The following CACNA1E variants were observed in gnomAD, a reference collection of about 807,000 sequenced individuals.
CACNA1E encodes calcium voltage-gated channel subunit alpha1 E.
A neutral mutation model predicts 259.2 loss-of-function variants in CACNA1E; 40 were observed. The observed-to-expected ratio is 0.15, with a 90% CI of 0.12 to 0.20. The LOEUF is 0.20. Ranked by LOEUF, CACNA1E falls within the 10% of genes least tolerant of loss-of-function variation. The probability of loss-of-function intolerance (pLI) is 1.00; values close to 1 mark genes in which losing one functional copy is unlikely to be tolerated. For synonymous variants in CACNA1E, 1,104 were observed against 1,138.5 expected (o/e 0.97, Z 0.61); for missense variants, 1,874 against 3,040.1 (o/e 0.62, Z 9.02).
chr1:181,596,561 TGTG>T (rs2103044793), intron 6 of CACNA1E, among the ~76,000 whole-genome samples: 1 of 65,376 alleles, frequency 1.5e-5, no homozygotes, highest in Admixed American at 1.9e-4. Flanking sequence ...CATGTACGTG[TGTG>T]TGTGTGTGTG....
chr1:181,536,077 A>C (rs16857577), intron 3 of CACNA1E, among the ~76,000 whole-genome samples: 2,191 of 152,172 alleles, frequency 0.014, 72 homozygotes, highest in East Asian at 0.14. Flanking sequence ...GTAAAATTTC[A>C]CTAATATGTG....
chr1:181,616,172 C>T (rs1173967668), intron 6 of CACNA1E, among the ~76,000 whole-genome samples: 1 of 152,136 alleles, frequency 6.6e-6, no homozygotes, highest in Non-Finnish European at 1.5e-5. Context: ...TCTTGCAATG[C>T]TCTTGTGAAG....
At chr1:181,396,435 C>T (rs1656686293) in intron 1 of CACNA1E, among the ~76,000 whole-genome samples, 1 of 152,148 alleles carries the variant, frequency 6.6e-6, no homozygotes. Flanking sequence ...CATTGATAAC[C>T]TTAACAAAAG....
chr1:181,466,974 C>T (rs1166830889), intron 2 of CACNA1E, among the ~76,000 whole-genome samples: 1 of 152,166 alleles, frequency 6.6e-6, no homozygotes, highest in Non-Finnish European at 1.5e-5. Context: ...GTGCCGGACA[C>T]AGCACAGGGG....
Position 181,626,211 on chromosome 1 carries a change from C to A in CACNA1E, c.952-25127C>A, listed in dbSNP as rs547009945. On this transcript the variant is annotated intron_variant, in intron 6 of 47. Transcript: ENST00000367573. The stretch of plus-strand genomic sequence containing the variant: ...TATTGCAAGAATTATCAAAATGTGA[C>A]ACAGAAACACGAAGCGAGCATGTGC... Among the ~76,000 whole-genome samples the A allele has an allele frequency of 5.3e-5, 8 of 152,212 alleles. No individual in the cohort carries two copies. The South Asian group carries it at 1.7e-3, about 32-fold the overall frequency.
intron 26 of CACNA1E, among the ~76,000 whole-genome samples, chr1:181,751,545 G>C (rs1657598173): frequency 6.6e-6 from 1 of 152,196 alleles, no homozygotes; most frequent in African/African-American, 2.4e-5. Context: ...GGCCCAGTGA[G>C]AGTGTCATGT....
At chr1:181,709,538 A>G (rs1361037597) in intron 7 of CACNA1E, among the ~76,000 whole-genome samples, 1 of 152,088 alleles carries the variant, frequency 6.6e-6, no homozygotes, top group South Asian at 2.1e-4. Flanking sequence ...GCTGGGGCCC[A>G]TCCCCCAGCC....
intron 2 of CACNA1E, among the ~76,000 whole-genome samples, chr1:181,414,111 AC>A (rs1367545538): frequency 6.6e-6 from 1 of 152,208 alleles, no homozygotes; most frequent in Non-Finnish European, 1.5e-5. Flanking sequence ...CAAAAGGCCA[AC>A]TTTAATTCAC....
intron 1 of CACNA1E, among the ~76,000 whole-genome samples, chr1:181,336,111 G>A (rs1651693012): frequency 6.6e-6 from 1 of 152,086 alleles, no homozygotes; most frequent in Non-Finnish European, 1.5e-5. Flanking sequence ...TACTTCTATT[G>A]TGACTTTTCA....
chr1:181,715,131 C>G (rs777979685), intron 8 of CACNA1E, among the ~76,000 whole-genome samples: 9 of 152,184 alleles, frequency 5.9e-5, no homozygotes, highest in Non-Finnish European at 1.0e-4. Flanking sequence ...CCAAACACCC[C>G]CTCCCCGAGG....
At chr1:181,717,052 G>A (rs373651823) in intron 10 of CACNA1E, 41 bp from the exon 11 acceptor site, 2 of 1,560,246 alleles carry the variant, frequency 1.3e-6, no homozygotes, top group African/African-American at 2.7e-5. Flanking sequence ...CGGACCACAG[G>A]ATATTTTGCA....
At chr1:181,753,850 G>A (rs1572802529) in intron 27 of CACNA1E, among the ~76,000 whole-genome samples, 1 of 152,184 alleles carries the variant, frequency 6.6e-6, no homozygotes, top group South Asian at 2.1e-4. Context: ...ACTTCTGAGA[G>A]GCCCCGATGT....
chr1:181,515,579 A>T lies in CACNA1E; in HGVS notation c.512+4069A>T, dbSNP rs1465005691. 2.0e-5 allele frequency among the ~76,000 whole-genome samples: 3 copies of T among 152,204 alleles called. No homozygotes were observed. In the South Asian group the frequency reaches 6.2e-4, roughly 31 times the overall value. On this transcript the variant is annotated intron_variant, in intron 3 of 47. Coordinates refer to ENST00000367573, the MANE Select transcript of CACNA1E (RefSeq NM_001205293.3). ...ACATTCTTATCTTACAGAACTTGGG[A>T]TCTCTCTTGCATTGGGAACAACTCA...
chr1:181,756,884 C>A, intron 29 of CACNA1E, 41 bp from the exon 30 acceptor site: 1 of 1,323,682 alleles, frequency 7.6e-7, no homozygotes, highest in Non-Finnish European at 1.1e-6. Context: ...GAAGCCAAGA[C>A]TGTCATCCAC....
rs190890304 is a variant in CACNA1E at position 181,470,102 on chromosome 1, C to A, written c.435-13642C>A. Among the ~76,000 whole-genome samples the A allele has an allele frequency of 1.9e-3, 286 of 151,654 alleles. 4 individuals carry two copies. Among genetic ancestry groups the A allele is most frequent in the Admixed American group, 0.018 (273 of 15,220 alleles). ...GAGAGCGTGAGAGAAAGAAAGAGAG[C>A]AAGAAAGCGAGAGAGAGAGCACGAG... On this transcript the variant is annotated intron_variant, in intron 2 of 11. Coordinates refer to the CACNA1E transcript ENST00000524607.
At chr1:181,728,337 G>A (rs757333513) in intron 18 of CACNA1E, among the ~76,000 whole-genome samples, 2 of 152,234 alleles carry the variant, frequency 1.3e-5, no homozygotes, top group Non-Finnish European at 2.9e-5. Context: ...TGAATGAAAT[G>A]TGGGTAGGCA....
Position 181,733,506 on chromosome 1 carries a change from A to G in CACNA1E, c.3018A>G (p.Leu1006=), listed in dbSNP as rs766311266. 6.9e-6 allele frequency: 11 copies of G among 1,601,520 alleles called. No individual in the cohort carries two copies. Among genetic ancestry groups the G allele is most frequent in the Admixed American group, 3.4e-5 (2 of 59,048 alleles). Residue 1006 remains leucine, a synonymous_variant, in exon 21 of 48, where the codon CTA becomes CTG. Coordinates refer to ENST00000367573, the MANE Select transcript of CACNA1E (RefSeq NM_001205293.3). ...GCCTTGATGAGGCTGACACCCCCCT[A>G]GTCCTGCCCCATCCTGAGCTGGAAG... ...AGGLDEADTP[L]VLPHPELEVG...
chr1:181,341,170 T>C (rs1652115463), intron 1 of CACNA1E, among the ~76,000 whole-genome samples: 2 of 152,154 alleles, frequency 1.3e-5, no homozygotes, highest in African/African-American at 4.8e-5. Flanking sequence ...CCTTTTATGA[T>C]TGCTCCTATT....
At chr1:181,489,174 C>T (rs4651104) in intron 1 of CACNA1E, among the ~76,000 whole-genome samples, 5,533 of 152,292 alleles carry the variant, frequency 0.036, 164 homozygotes, top group East Asian at 0.13. Flanking sequence ...TTTTGCTTAT[C>T]ACTGACCACA....
Sources: allele counts gnomAD v4.1 joint callset (sites outside exome capture counted in the v4.1 genomes callset), GRCh38; gene constraint gnomAD v4.1.1; transcripts MANE v1.5; gene names NCBI Gene and HGNC (gene_info 2026-07-23, HGNC 2026-07-21).